Variants in CDC14B observed in about 807,000 individuals in gnomAD.
CDC14B encodes the protein cell division cycle 14B, also known as dual specificity protein phosphatase CDC14B.
A neutral mutation model predicts 64.2 loss-of-function variants in CDC14B; 22 were observed. The ratio of observed to expected loss-of-function variants is 0.34; its 90% CI spans 0.24 to 0.49. The LOEUF is 0.49. Among genes scored for constraint, CDC14B ranks in the 20% least tolerant of loss-of-function variants. The probability of loss-of-function intolerance (pLI) is 0.99; values close to 1 mark genes in which losing one functional copy is unlikely to be tolerated. For missense variants in CDC14B, 498 were observed against 629.9 expected, an observed-to-expected ratio of 0.79 and a Z score of 2.24; for synonymous variants, 191 against 215.8, an observed-to-expected ratio of 0.89 and a Z score of 1.01.
chr9:96,614,120 C>G (rs186310065), intron 1 of CDC14B, among the ~76,000 whole-genome samples: 2 of 152,094 alleles, frequency 1.3e-5, no homozygotes, highest in African/African-American at 4.8e-5. Context: ...AAAGTTAGAT[C>G]ATGGCAGACA....
In CDC14B at chr9:96,502,993, G is replaced by A. The variant is rs181253203; in HGVS notation, c.*760C>T. 1 of 396,986 alleles carries A rather than the reference G, an allele frequency of 2.5e-6. No individual in the cohort carries two copies. The highest frequency in any genetic ancestry group is 4.4e-5 in the Admixed American group (1 of 22,688). 24.6% of individuals were successfully genotyped at this position (396,986 alleles called of 1,614,324 possible). A position where few individuals can be genotyped will look rare whatever the true frequency, so the allele number is the denominator to read the frequency against. ...CAACCAAACAATGGGCAGCCTCCCA[G>A]TTCTTCAGTCCCTGAAGGACAGAAA... is the stretch of plus-strand genomic sequence containing the variant. On this transcript the variant is annotated 3_prime_UTR_variant, in exon 14 of 14. Coordinates refer to ENST00000375241, the MANE Select transcript of CDC14B (RefSeq NM_033331.4).
At position 96,533,951 on chromosome 9, in the gene CDC14B, C is replaced by T. The variant is rs1213161126; in HGVS notation, c.922G>A (p.Gly308Ser). Residue 308 changes from glycine (G) to serine (S), a missense_variant, in exon 9 of 14, where the codon GGT becomes AGT. By Grantham distance (56) the Gly-to-Ser change is moderately conservative. Transcript: ENST00000375241. ...EFLDICENAE[G>S]AIAVHCKAGL... ...CCTTTGCAATGTACTGCAATGGCACCCTCAGCATTTTCACAGATATCTAGG... is the reference window on the plus strand; with the variant it reads ...CCTTTGCAATGTACTGCAATGGCACTCTCAGCATTTTCACAGATATCTAGG... The T allele has an allele frequency of 4.3e-6, 7 of 1,612,000 alleles. No individual in the cohort carries two copies. Among genetic ancestry groups the T allele is most frequent in the Non-Finnish European group, 5.1e-6 (6 of 1,178,772 alleles).
At chr9:96,534,423 C>T (rs758463196) in intron 8 of CDC14B, 32 bp downstream of exon 8, 48 of 1,427,192 alleles carry the variant, frequency 3.4e-5, no homozygotes, top group Non-Finnish European at 4.3e-5. Context: ...TTTTCAATAA[C>T]AAAATGAGAT....
intron 4 of CDC14B, among the ~76,000 whole-genome samples, chr9:96,552,774 C>T (rs1052234498): frequency 2.6e-5 from 4 of 152,120 alleles, no homozygotes; most frequent in South Asian, 4.2e-4. Flanking sequence ...TCCTGCAGGG[C>T]CCTTTCAACT....
chr9:96,509,558 TCA>T, intron 13 of CDC14B, 113 bp downstream of exon 13: 1 of 740,502 alleles, frequency 1.4e-6, no homozygotes, highest in Non-Finnish European at 2.4e-6. Flanking sequence ...GAATTTCCCA[TCA>T]CAGAGACTCT....
chr9:96,532,375 T>C (rs73654894), intron 9 of CDC14B, among the ~76,000 whole-genome samples: 9,583 of 152,308 alleles, frequency 0.063, 955 homozygotes, highest in African/African-American at 0.22. Flanking sequence ...GTATCCCCTG[T>C]ATGTGGTAGG....
At chr9:96,556,156 A>G (rs1477419096) in intron 4 of CDC14B, among the ~76,000 whole-genome samples, 1 of 152,192 alleles carries the variant, frequency 6.6e-6, no homozygotes, top group African/African-American at 2.4e-5. Flanking sequence ...ACGTTACACA[A>G]GTCATTTCAC....
chr9:96,558,682 CACTTA>C, intron 4 of CDC14B, among the ~76,000 whole-genome samples: 2 of 152,256 alleles, frequency 1.3e-5, no homozygotes, highest in East Asian at 3.9e-4. Flanking sequence ...TTTTGAAAAG[CACTTA>C]AAATTTTCCA....
rs1432965610 is a variant in CDC14B, at chr9:96,598,021, T to C, written c.160+21198A>G. ...AATAGAAAAGATTAACAGAGTCAGC[T>C]ATAAACTTTGTGTGGCAAACACAAA... On this transcript the variant is annotated intron_variant, in intron 1 of 13. Coordinates refer to ENST00000375241, the MANE Select transcript of CDC14B (RefSeq NM_033331.4). Among the ~76,000 whole-genome samples the C allele has an allele frequency of 2.0e-5, 3 of 152,240 alleles. No homozygotes were observed. In the East Asian group the frequency reaches 5.8e-4, roughly 29 times the overall value.
chr9:96,600,539 G>A (rs1846365894), intron 1 of CDC14B, among the ~76,000 whole-genome samples: 2 of 151,348 alleles, frequency 1.3e-5, no homozygotes, highest in Admixed American at 1.3e-4. Context: ...GTCTAACTCT[G>A]TTGCCCAGGC....
intron 5 of CDC14B, among the ~76,000 whole-genome samples, chr9:96,548,736 G>A (rs1841356567): frequency 6.6e-6 from 1 of 151,848 alleles, no homozygotes. Flanking sequence ...GGGAGGCAGA[G>A]GTTGCAGTGA....
intron 4 of CDC14B, among the ~76,000 whole-genome samples, chr9:96,553,355 CT>C (rs775744543): frequency 1.4e-3 from 200 of 144,964 alleles, no homozygotes; most frequent in Non-Finnish European, 2.4e-3. Flanking sequence ...TCTTTCTTTT[CT>C]TTTCTTTTTT....
chr9:96,565,450 G>A lies in CDC14B; in HGVS notation c.194C>T (p.Pro65Leu). ...ATAATGTACATTTGATGCACTCTTT[G>A]GTCTGCTGTAGAGAATGGCAAAACA... Reference protein sequence around the residue: ...RLCFAILYSRPKSASNVHYFS... With the variant: ...RLCFAILYSRLKSASNVHYFS... Residue 65 changes from proline to leucine, a missense_variant, in exon 2 of 14, where the codon CCA becomes CTA. Coordinates refer to ENST00000375241, the MANE Select transcript of CDC14B (RefSeq NM_033331.4). 6.2e-7 allele frequency: 1 copy of A among 1,611,720 alleles called. No homozygotes were observed. Among genetic ancestry groups the A allele is most frequent in the Non-Finnish European group, 8.5e-7 (1 of 1,178,082 alleles).
chr9:96,496,376 A>G (rs1456045251), downstream of CDC14B: 2 of 505,178 alleles, frequency 4.0e-6, no homozygotes, highest in Non-Finnish European at 7.9e-6. Flanking sequence ...AAGGGAGGAG[A>G]TGGACAGCGC....
At chr9:96,591,996 C>T (rs531062637) in intron 1 of CDC14B, among the ~76,000 whole-genome samples, 600 of 152,278 alleles carry the variant, frequency 3.9e-3, no homozygotes, top group Non-Finnish European at 4.8e-3. Flanking sequence ...CTGCCCGCCT[C>T]GGCCTCCCAA....
At chr9:96,520,573 T>G (rs1836539755) in intron 12 of CDC14B, among the ~76,000 whole-genome samples, 1 of 152,166 alleles carries the variant, frequency 6.6e-6, no homozygotes, top group Non-Finnish European at 1.5e-5. Flanking sequence ...AATTTCCTAT[T>G]TAACAAAAAC....
chr9:96,564,755 A>G (rs199762571), intron 3 of CDC14B, 22 bp downstream of exon 3: 69 of 1,444,170 alleles, frequency 4.8e-5, no homozygotes, highest in Non-Finnish European at 3.7e-5. Context: ...TGATTACTTA[A>G]GTCAAATCTT....
At position 96,542,736 on chromosome 9, in the gene CDC14B, C is replaced by T. The variant is rs545723621; in HGVS notation, c.498-844G>A. On this transcript the variant is annotated intron_variant, in intron 5 of 13. Transcript: ENST00000375241. ...TCTTAAACTCCCGGCCTCTGCCGGGCGCAGTGGCTCAGGCATGTAATCCCA... is the reference window on the plus strand; with the variant it reads ...TCTTAAACTCCCGGCCTCTGCCGGGTGCAGTGGCTCAGGCATGTAATCCCA... Among the ~76,000 whole-genome samples the T allele has an allele frequency of 2.6e-5, 4 of 152,008 alleles. No homozygotes were observed. The East Asian group carries it at 5.8e-4, about 22-fold the overall frequency.
intron 5 of CDC14B, among the ~76,000 whole-genome samples, chr9:96,545,849 C>A (rs923229015): frequency 6.6e-6 from 1 of 152,104 alleles, no homozygotes. Flanking sequence ...AGAATCTTTG[C>A]TCACTCAAGT....
Sources: allele counts gnomAD v4.1 joint callset (sites outside exome capture counted in the v4.1 genomes callset), GRCh38; gene constraint gnomAD v4.1.1; transcripts MANE v1.5; gene names NCBI Gene and HGNC (gene_info 2026-07-23, HGNC 2026-07-21).